RBFOX1: variants seen among roughly 807,000 people sequenced by gnomAD.
RBFOX1 encodes the protein RNA binding fox-1 homolog 1.
In RBFOX1, 8 loss-of-function variants were observed where a neutral mutation model predicts 57.7. The ratio of observed to expected loss-of-function variants is 0.14; its 90% CI spans 0.08 to 0.25. The LOEUF is 0.25. Among genes scored for constraint, RBFOX1 ranks in the 10% least tolerant of loss-of-function variants. The probability of loss-of-function intolerance (pLI) is 1.00; values close to 1 mark genes in which losing one functional copy is unlikely to be tolerated. For missense variants in RBFOX1, 611 were observed against 548.5 expected, an observed-to-expected ratio of 1.11 and a Z score of -1.14; for synonymous variants, 326 against 222.4, an observed-to-expected ratio of 1.47 and a Z score of -4.15.
chr16:5,984,282 C>G (rs1326015732), intron 4 of RBFOX1, among the ~76,000 whole-genome samples: 1 of 147,984 alleles, frequency 6.8e-6, no homozygotes, highest in Non-Finnish European at 1.5e-5. Context: ...TGCCTAAATA[C>G]ACGTTACCTC....
At chr16:6,562,100 G>C (rs1330286790) in intron 2 of RBFOX1, among the ~76,000 whole-genome samples, 1 of 152,176 alleles carries the variant, frequency 6.6e-6, no homozygotes, top group African/African-American at 2.4e-5. Flanking sequence ...TTCTACTGAT[G>C]TCGGCTGCAT....
chr16:6,637,520 T>C (rs1277789291), intron 2 of RBFOX1, among the ~76,000 whole-genome samples: 6 of 65,078 alleles, frequency 9.2e-5, no homozygotes, highest in African/African-American at 2.5e-4. Flanking sequence ...ATAGTATATA[T>C]AATATTCTGT....
At chr16:6,173,080 A>G (rs1042410493) in intron 1 of RBFOX1, among the ~76,000 whole-genome samples, 2 of 152,160 alleles carry the variant, frequency 1.3e-5, no homozygotes, top group African/African-American at 4.8e-5. Context: ...TGATACGATG[A>G]TATTAGGCCC....
At chr16:6,453,788 C>T (rs1413144349) in intron 2 of RBFOX1, among the ~76,000 whole-genome samples, 1 of 152,142 alleles carries the variant, frequency 6.6e-6, no homozygotes, top group African/African-American at 2.4e-5. Flanking sequence ...AATTCAGTGC[C>T]TCACTGGGAC....
intron 4 of RBFOX1, among the ~76,000 whole-genome samples, chr16:5,899,778 A>C (rs947306499): frequency 1.4e-4 from 22 of 152,216 alleles, no homozygotes; most frequent in African/African-American, 5.1e-4. Context: ...AGCTATGGCG[A>C]CAGTTCCTTT....
intron 4 of RBFOX1, among the ~76,000 whole-genome samples, chr16:7,155,688 C>G (rs1483626002): frequency 1.8e-5 from 2 of 113,708 alleles, no homozygotes; most frequent in South Asian, 3.2e-4. Flanking sequence ...TTCCTCCCTT[C>G]TCCTCCCACC....
intron 1 of RBFOX1, among the ~76,000 whole-genome samples, chr16:6,260,898 A>G (rs1380102745): frequency 6.6e-6 from 1 of 152,172 alleles, no homozygotes; most frequent in Non-Finnish European, 1.5e-5. Context: ...AGGAAAGAAA[A>G]AAAGAAAAGA....
intron 1 of RBFOX1, among the ~76,000 whole-genome samples, chr16:5,282,261 AAGTCC>A (rs754651482): frequency 6.6e-6 from 1 of 152,214 alleles, no homozygotes; most frequent in Non-Finnish European, 1.5e-5. Context: ...GTAGAACTGT[AAGTCC>A]ATTAAACCTT....
intron 4 of RBFOX1, among the ~76,000 whole-genome samples, chr16:7,188,579 C>T (rs142707588): frequency 2.4e-4 from 36 of 152,304 alleles, no homozygotes; most frequent in Admixed American, 2.2e-3. Context: ...CTATTTTATA[C>T]TCTAAGCAAT....
At chr16:6,029,351 TTTA>T (rs1213680838) in intron 1 of RBFOX1, among the ~76,000 whole-genome samples, 1 of 152,210 alleles carries the variant, frequency 6.6e-6, no homozygotes, top group Non-Finnish European at 1.5e-5. Flanking sequence ...CTGGTGTCAG[TTTA>T]TAATGAGAAA....
intron 2 of RBFOX1, among the ~76,000 whole-genome samples, chr16:6,371,984 T>A (rs1173327652): frequency 6.6e-6 from 1 of 152,218 alleles, no homozygotes; most frequent in Non-Finnish European, 1.5e-5. Flanking sequence ...CCTAGGAAGA[T>A]GTCTGGTACA....
At chr16:6,847,923 T>C (rs978460618) in intron 3 of RBFOX1, among the ~76,000 whole-genome samples, 11 of 152,018 alleles carry the variant, frequency 7.2e-5, no homozygotes, top group African/African-American at 1.7e-4. Context: ...CTGCAACCTC[T>C]GTATCAAGCA....
At chr16:6,703,119 T>C (rs938420163) in intron 3 of RBFOX1, among the ~76,000 whole-genome samples, 7 of 152,254 alleles carry the variant, frequency 4.6e-5, no homozygotes, top group African/African-American at 1.4e-4. Flanking sequence ...TAATATTTCA[T>C]TGTGAGAATA....
At chr16:7,450,676 G>A (rs1460948616) in intron 4 of RBFOX1, among the ~76,000 whole-genome samples, 1 of 152,112 alleles carries the variant, frequency 6.6e-6, no homozygotes, top group Non-Finnish European at 1.5e-5. Context: ...GTGAAAAGAA[G>A]GGTGTTGGCA....
At chr16:7,603,298 C>A (rs888250220) in intron 9 of RBFOX1, among the ~76,000 whole-genome samples, 2 of 152,080 alleles carry the variant, frequency 1.3e-5, no homozygotes, top group Non-Finnish European at 2.9e-5. Flanking sequence ...TAGAGAAAAA[C>A]CAAGTAAATA....
chr16:5,824,366 C>G (rs888231755), intron 3 of RBFOX1, among the ~76,000 whole-genome samples: 4 of 152,172 alleles, frequency 2.6e-5, no homozygotes, highest in African/African-American at 9.7e-5. Context: ...GCTTGTCTGT[C>G]TCCCTCCTTG....
At chr16:6,998,821 C>G (rs1351008024) in intron 3 of RBFOX1, among the ~76,000 whole-genome samples, 1 of 151,884 alleles carries the variant, frequency 6.6e-6, no homozygotes, top group East Asian at 1.9e-4. Context: ...TAAAATATAC[C>G]CACAAATACT....
chr16:5,597,332 A>T (rs5015131), intron 2 of RBFOX1, among the ~76,000 whole-genome samples: 29,805 of 142,344 alleles, frequency 0.21, 3,222 homozygotes, highest in African/African-American at 0.22. Context: ...CTTGCTTGAG[A>T]CACACACGAC....
chr16:7,562,127 T>C (rs2090525981), intron 5 of RBFOX1, among the ~76,000 whole-genome samples: 1 of 152,160 alleles, frequency 6.6e-6, no homozygotes, highest in Admixed American at 6.5e-5. Context: ...TATGAGACCA[T>C]TAACACAGAA....
Sources: gnomAD v4.1 joint callset for allele counts (sites outside exome capture counted in the v4.1 genomes callset) on GRCh38, gnomAD v4.1.1 for gene constraint, MANE v1.5 for transcripts, NCBI Gene and HGNC (gene_info 2026-07-23, HGNC 2026-07-21) for gene names.